ELOVL7: variants seen among roughly 807,000 people sequenced by gnomAD.
ELOVL7 encodes the protein very long chain fatty acid elongase 7.
ELOVL7 carries 27 observed loss-of-function variants against 35.7 expected under a neutral mutation model. The observed-to-expected ratio is 0.76, with a 90% CI of 0.56 to 1.04. ELOVL7 has a LOEUF of 1.04. Ranked by LOEUF, ELOVL7 falls within the 50% of genes least tolerant of loss-of-function variation. The probability of loss-of-function intolerance (pLI) is 0.00; values close to 1 mark genes in which losing one functional copy is unlikely to be tolerated. For synonymous variants in ELOVL7, 113 were observed against 114.6 expected (o/e 0.99, Z 0.09); for missense variants, 327 against 340.8 (o/e 0.96, Z 0.32).
Position 60,795,394 on chromosome 5 carries a change from A to T in ELOVL7, c.-35+3786T>A, listed in dbSNP as rs938567821. Among the ~76,000 whole-genome samples, 5 of 152,308 alleles carry T rather than the reference A, an allele frequency of 3.3e-5. No individual in the cohort carries two copies. In the South Asian group the frequency reaches 1.0e-3, roughly 32 times the overall value. On this transcript the variant is annotated intron_variant, in intron 2 of 8. Transcript: ENST00000508821. Reference sequence around the variant, plus strand: ...GCTCACTAAAATACAAATTAACACTAAAAGCAGGAGATAAAGAAATAGTCA... The same window carrying T: ...GCTCACTAAAATACAAATTAACACTTAAAGCAGGAGATAAAGAAATAGTCA...
chr5:60,789,889 G>A (rs1743822372), intron 2 of ELOVL7, among the ~76,000 whole-genome samples: 1 of 152,182 alleles, frequency 6.6e-6, no homozygotes, highest in Non-Finnish European at 1.5e-5. Flanking sequence ...TGTAATCCCA[G>A]CAGTTTGGGA....
chr5:60,820,046 A>T (rs1296787580), intron 1 of ELOVL7, among the ~76,000 whole-genome samples: 1 of 152,226 alleles, frequency 6.6e-6, no homozygotes, highest in Admixed American at 6.5e-5. Context: ...TGAAGCATGA[A>T]TATTCAGTGC....
chr5:60,771,928 A>G lies in ELOVL7; in HGVS notation c.230T>C (p.Leu77Pro). 6.2e-7 allele frequency: 1 copy of G among 1,612,970 alleles called. No homozygotes were observed. The highest frequency in any genetic ancestry group is 8.5e-7 in the Non-Finnish European group (1 of 1,179,470). The change falls in exon 4 of 9, where the codon CTC (leucine) becomes CCC (proline). Residue 77 changes from leucine to proline, a missense_variant. Coordinates refer to ENST00000508821, the MANE Select transcript of ELOVL7 (RefSeq NM_024930.3). ...CTCATAACACATATACACAGAAAAG[A>G]GTACTATGAAAAAATTGTACGTTAT... ...AMITYNFFIVLFSVYMCYEFV... is the reference protein window; with the variant it reads ...AMITYNFFIVPFSVYMCYEFV...
intron 3 of ELOVL7, among the ~76,000 whole-genome samples, chr5:60,785,193 T>C (rs531782434): frequency 6.6e-6 from 1 of 152,240 alleles, no homozygotes; most frequent in East Asian, 1.9e-4. Context: ...CAAATACAAG[T>C]ATTCCTTGCC....
At chr5:60,828,879 T>G (rs1746324168) in intron 1 of ELOVL7, among the ~76,000 whole-genome samples, 1 of 152,198 alleles carries the variant, frequency 6.6e-6, no homozygotes, top group African/African-American at 2.4e-5. Context: ...AAGTGGTGGT[T>G]TTTAAAAATG....
chr5:60,762,615 T>C (rs972302943), intron 7 of ELOVL7, among the ~76,000 whole-genome samples: 3 of 152,190 alleles, frequency 2.0e-5, no homozygotes, highest in African/African-American at 7.2e-5. Flanking sequence ...CTTTCTTCTA[T>C]TCACATTTAG....
chr5:60,832,477 T>C (rs905555378), intron 1 of ELOVL7, among the ~76,000 whole-genome samples: 1 of 152,148 alleles, frequency 6.6e-6, no homozygotes, highest in African/African-American at 2.4e-5. Flanking sequence ...GCAATTCTCT[T>C]GCATTAGCCT....
chr5:60,825,878 G>A (rs1746140569), intron 1 of ELOVL7, among the ~76,000 whole-genome samples: 1 of 152,198 alleles, frequency 6.6e-6, no homozygotes, highest in South Asian at 2.1e-4. Context: ...GAGGAAGGGT[G>A]GGAATCCATA....
chr5:60,781,548 G>A (rs529970196), intron 3 of ELOVL7, among the ~76,000 whole-genome samples: 1 of 152,244 alleles, frequency 6.6e-6, no homozygotes, highest in South Asian at 2.1e-4. Flanking sequence ...GCTGGCTCAG[G>A]AAGCAGAATA....
chr5:60,766,608 T>C lies in ELOVL7; in HGVS notation c.359A>G (p.Tyr120Cys). ...TAGCTCAATAAATTTGGAGAAGTAA[T>C]AAAGCCAGCAGGTACGTGCCATCTG... is the stretch of plus-strand genomic sequence containing the variant. Reference protein sequence around the residue: ...ALRMARTCWLYYFSKFIELLD... With the variant: ...ALRMARTCWLCYFSKFIELLD... The change falls in exon 6 of 9, where the codon TAT (tyrosine) becomes TGT (cysteine). Residue 120 changes from tyrosine to cysteine, a missense_variant. Coordinates refer to ENST00000508821, the MANE Select transcript of ELOVL7 (RefSeq NM_024930.3). 6.2e-7 allele frequency: 1 copy of C among 1,613,160 alleles called. No homozygotes were observed. Among genetic ancestry groups the C allele is most frequent in the Non-Finnish European group, 8.5e-7 (1 of 1,179,580 alleles).
chr5:60,795,354 C>T (rs1744188178), intron 2 of ELOVL7, among the ~76,000 whole-genome samples: 1 of 152,174 alleles, frequency 6.6e-6, no homozygotes, highest in Admixed American at 6.5e-5. Flanking sequence ...CCCAACGAAT[C>T]AGGTAGTAAA....
intron 7 of ELOVL7, among the ~76,000 whole-genome samples, chr5:60,761,639 A>T (rs955331940): frequency 3.3e-5 from 5 of 152,170 alleles, no homozygotes; most frequent in Non-Finnish European, 7.4e-5. Context: ...TACCATATGA[A>T]AAATGCCAGT....
At chr5:60,809,655 G>A (rs1277686498) in intron 1 of ELOVL7, among the ~76,000 whole-genome samples, 1 of 152,196 alleles carries the variant, frequency 6.6e-6, no homozygotes, top group Non-Finnish European at 1.5e-5. Flanking sequence ...GTAAGGCCAA[G>A]AAAAGTTGGT....
chr5:60,792,957 T>C (rs1744029219), intron 2 of ELOVL7, among the ~76,000 whole-genome samples: 1 of 152,204 alleles, frequency 6.6e-6, no homozygotes, highest in Non-Finnish European at 1.5e-5. Flanking sequence ...GGTCTGACCA[T>C]GGCTGGCCTA....
At chr5:60,824,207 T>C (rs1746039675) in intron 1 of ELOVL7, among the ~76,000 whole-genome samples, 1 of 152,114 alleles carries the variant, frequency 6.6e-6, no homozygotes, top group African/African-American at 2.4e-5. Flanking sequence ...AAAATTATAG[T>C]CTCTGAGAGA....
Position 60,803,808 on chromosome 5 carries a change from T to G in ELOVL7, c.-85-4578A>C, listed in dbSNP as rs148054896. On this transcript the variant is annotated intron_variant, in intron 1 of 8. Transcript: ENST00000508821. ...TATATGAATTAACTCAGGTCTGTCT[T>G]TCAATCAAGTTTAAGAGTAGTCATT... Among the ~76,000 whole-genome samples the G allele has an allele frequency of 3.1e-4, 47 of 152,314 alleles. No homozygotes were observed. In the East Asian group the frequency reaches 9.0e-3, roughly 29 times the overall value.
chr5:60,754,918 G>GT, intron 8 of ELOVL7, 85 bp from the exon 9 acceptor site: 1 of 1,063,808 alleles, frequency 9.4e-7, no homozygotes, highest in African/African-American at 1.6e-5. Context: ...CACTCCCAAA[G>GT]TGCAGGGAGT....
At chr5:60,759,704 T>C (rs1285976391) in intron 7 of ELOVL7, among the ~76,000 whole-genome samples, 3 of 152,146 alleles carry the variant, frequency 2.0e-5, no homozygotes, top group South Asian at 2.1e-4. Flanking sequence ...TAGTTACATA[T>C]GTATACATGT....
Position 60,754,564 on chromosome 5 carries a change from T to TGCAATAGGTAAATGC in ELOVL7, c.*59_*60insGCATTTACCTATTGC. ...ATACAAAATGCACTGCATAGGTAAA[T>TGCAATAGGTAAATGC]ATCTCTTGATTGTCAAGGAAGACAA... On this transcript the variant is annotated 3_prime_UTR_variant, in exon 9 of 9. Coordinates refer to ENST00000508821, the MANE Select transcript of ELOVL7 (RefSeq NM_024930.3). The TGCAATAGGTAAATGC allele has an allele frequency of 6.8e-7, 1 of 1,467,004 alleles. No homozygotes were observed. The allele number at this position is 1,467,004 out of a possible 1,614,324, so 90.9% of individuals were successfully genotyped here.
Sources: gnomAD v4.1 joint callset for allele counts (sites outside exome capture counted in the v4.1 genomes callset) on GRCh38, gnomAD v4.1.1 for gene constraint, MANE v1.5 for transcripts, NCBI Gene and HGNC (gene_info 2026-07-23, HGNC 2026-07-21) for gene names.